Variants in ZFAND3 observed in about 807,000 individuals in gnomAD.
ZFAND3 encodes the protein zinc finger AN1-type containing 3, also known as AN1-type zinc finger protein 3.
A neutral mutation model predicts 29.6 loss-of-function variants in ZFAND3; 10 were observed. The ratio of observed to expected loss-of-function variants is 0.34; its 90% CI spans 0.21 to 0.57. The LOEUF (loss-of-function observed/expected upper bound fraction) is 0.57, where lower values mean the gene tolerates loss of function less well. Ranked by LOEUF, ZFAND3 falls within the 20% of genes least tolerant of loss-of-function variation. The pLI, the probability that ZFAND3 is intolerant of heterozygous loss-of-function variation, is 0.86. For synonymous variants in ZFAND3, 128 were observed against 112.6 expected, an observed-to-expected ratio of 1.14 and a Z score of -0.87; for missense variants, 230 against 304.5, an observed-to-expected ratio of 0.76 and a Z score of 1.82.
chr6:38,032,449 A>G (rs1360620545), intron 2 of ZFAND3, among the ~76,000 whole-genome samples: 1 of 152,204 alleles, frequency 6.6e-6, no homozygotes. Context: ...AACTCTGCTC[A>G]GTGGTCATGG....
intron 1 of ZFAND3, among the ~76,000 whole-genome samples, chr6:37,866,076 C>T (rs1322001989): frequency 6.6e-6 from 1 of 152,084 alleles, no homozygotes; most frequent in Non-Finnish European, 1.5e-5. Context: ...ATCCTTCTGC[C>T]TCCTCCTCCG....
At chr6:38,115,483 A>G (rs146688196) in intron 4 of ZFAND3, among the ~76,000 whole-genome samples, 1 of 152,342 alleles carries the variant, frequency 6.6e-6, no homozygotes, top group African/African-American at 2.4e-5. Context: ...TATGTGGAGA[A>G]TAGACTGTAG....
intron 2 of ZFAND3, among the ~76,000 whole-genome samples, chr6:37,999,772 A>G (rs1272562505): frequency 6.6e-6 from 1 of 152,240 alleles, no homozygotes; most frequent in Non-Finnish European, 1.5e-5. Flanking sequence ...GGTGTCCTGG[A>G]TGAGATCCTG....
intron 5 of ZFAND3, among the ~76,000 whole-genome samples, chr6:38,136,800 G>A (rs969746255): frequency 1.3e-5 from 2 of 152,194 alleles, no homozygotes; most frequent in Non-Finnish European, 2.9e-5. Flanking sequence ...GTGAGTCAGC[G>A]CACCGTGTAG....
intron 2 of ZFAND3, among the ~76,000 whole-genome samples, chr6:37,998,698 T>C (rs1581826131): frequency 2.0e-5 from 3 of 152,302 alleles, no homozygotes; most frequent in Admixed American, 6.5e-5. Flanking sequence ...CTGTTATACA[T>C]GTATACTGGA....
intron 2 of ZFAND3, among the ~76,000 whole-genome samples, chr6:38,023,323 T>G (rs1763384885): frequency 6.6e-6 from 1 of 152,220 alleles, no homozygotes; most frequent in Non-Finnish European, 1.5e-5. Context: ...GATTGAAGTA[T>G]TATTCCCAAC....
intron 2 of ZFAND3, among the ~76,000 whole-genome samples, chr6:37,930,900 T>C: frequency 6.6e-6 from 1 of 152,158 alleles, no homozygotes; most frequent in Non-Finnish European, 1.5e-5. Context: ...ACTTTTGCAA[T>C]AGGGAAGAGA....
chr6:37,974,808 A>G (rs926524752), intron 2 of ZFAND3, among the ~76,000 whole-genome samples: 2 of 152,150 alleles, frequency 1.3e-5, no homozygotes, highest in African/African-American at 4.8e-5. Context: ...GTATTCCATT[A>G]TGTGGGTAGT....
intron 2 of ZFAND3, among the ~76,000 whole-genome samples, chr6:38,050,027 T>TTTCTGCAAC (rs1174145029): frequency 1.3e-5 from 2 of 149,252 alleles, no homozygotes; most frequent in Non-Finnish European, 3.0e-5. Context: ...CAATCTTGGC[T>TTTCTGCAAC]TTCTGCAACT....
At chr6:38,133,251 T>C (rs1357995164) in intron 5 of ZFAND3, among the ~76,000 whole-genome samples, 1 of 152,232 alleles carries the variant, frequency 6.6e-6, no homozygotes, top group Non-Finnish European at 1.5e-5. Flanking sequence ...CCATGAGCAC[T>C]TAACGATATT....
chr6:37,902,622 T>G (rs563064494), intron 1 of ZFAND3, among the ~76,000 whole-genome samples: 20 of 152,336 alleles, frequency 1.3e-4, no homozygotes, highest in African/African-American at 4.8e-4. Context: ...CACATCTGTT[T>G]CCAATAGCTG....
At chr6:38,029,688 T>C (rs1393369157) in intron 2 of ZFAND3, among the ~76,000 whole-genome samples, 1 of 152,132 alleles carries the variant, frequency 6.6e-6, no homozygotes, top group South Asian at 2.1e-4. Context: ...GAGATATTCA[T>C]AAACACATGA....
intron 2 of ZFAND3, among the ~76,000 whole-genome samples, chr6:37,964,766 T>C (rs1024139215): frequency 2.6e-5 from 4 of 152,204 alleles, no homozygotes; most frequent in African/African-American, 9.7e-5. Context: ...TTTATTACTT[T>C]ATGTGGTTTT....
intron 1 of ZFAND3, among the ~76,000 whole-genome samples, chr6:37,916,751 C>G (rs1223658669): frequency 6.6e-6 from 1 of 152,238 alleles, no homozygotes; most frequent in East Asian, 1.9e-4. Context: ...TACCTGCAGT[C>G]AACCATGTTG....
At chr6:37,836,500 G>T (rs1214292790) in intron 1 of ZFAND3, among the ~76,000 whole-genome samples, 1 of 152,180 alleles carries the variant, frequency 6.6e-6, no homozygotes, top group African/African-American at 2.4e-5. Context: ...ATGCTGCAAA[G>T]AATGGTCAAG....
At chr6:38,150,102 A>T (rs1459860494) in intron 5 of ZFAND3, among the ~76,000 whole-genome samples, 4 of 152,210 alleles carry the variant, frequency 2.6e-5, no homozygotes, top group Non-Finnish European at 5.9e-5. Context: ...TGGAGGATGC[A>T]TATTGAGGCC....
intron 2 of ZFAND3, among the ~76,000 whole-genome samples, chr6:38,021,970 GT>G (rs1763362556): frequency 6.6e-6 from 1 of 152,182 alleles, no homozygotes; most frequent in African/African-American, 2.4e-5. Flanking sequence ...CAGACTTACA[GT>G]TTTATTAGCA....
chr6:38,088,998 CG>C (rs11356089), intron 4 of ZFAND3, among the ~76,000 whole-genome samples: 4,971 of 152,174 alleles, frequency 0.033, 223 homozygotes, highest in African/African-American at 0.096. Flanking sequence ...TCCCTATTTT[CG>C]GTCACCTGTT....
chr6:37,869,701 G>A (rs1381628988), intron 1 of ZFAND3, among the ~76,000 whole-genome samples: 2 of 144,938 alleles, frequency 1.4e-5, no homozygotes, highest in African/African-American at 2.5e-5. Flanking sequence ...TTGTAGAGTT[G>A]GGGGTCTCAC....
Sources: gnomAD v4.1 joint callset for allele counts (sites outside exome capture counted in the v4.1 genomes callset) on GRCh38, gnomAD v4.1.1 for gene constraint, MANE v1.5 for transcripts, NCBI Gene and HGNC (gene_info 2026-07-23, HGNC 2026-07-21) for gene names.